Variants in DNAJB11 observed in about 807,000 individuals in gnomAD.
DNAJB11 encodes DnaJ heat shock protein family (Hsp40) member B11.
DNAJB11 carries 30 observed loss-of-function variants against 47.2 expected under a neutral mutation model. The ratio of observed to expected loss-of-function variants is 0.64; its 90% CI spans 0.48 to 0.86. The LOEUF (loss-of-function observed/expected upper bound fraction) is 0.86, where lower values mean the gene tolerates loss of function less well. DNAJB11 is among the 40% of genes least tolerant of loss of function. DNAJB11 has a pLI of 0.00. For synonymous variants in DNAJB11, 151 were observed against 159.9 expected (o/e 0.94, Z 0.42); for missense variants, 357 against 440.2 (o/e 0.81, Z 1.69).
At position 186,582,663 on chromosome 3, in the gene DNAJB11, T is replaced by G; in HGVS notation, c.683-53T>G. On this transcript the variant is annotated intron_variant, in intron 6 of 9. Coordinates refer to ENST00000265028, the MANE Select transcript of DNAJB11 (RefSeq NM_016306.6). ...AAAATGTATCAGTTGCCAAATAGAT[T>G]TGTGGTATTCAACTTGTATGATTTA... 2.1e-6 allele frequency: 3 copies of G among 1,427,788 alleles called. No individual in the cohort carries two copies. The South Asian group carries it at 3.7e-5, about 17-fold the overall frequency. The allele number at this position is 1,427,788 out of a possible 1,614,324, so 88.4% of individuals were successfully genotyped here.
rs35980059 is a variant in DNAJB11 at position 186,575,366 on chromosome 3, C to T, written c.226-474C>T. On this transcript the variant is annotated intron_variant, in intron 2 of 9. Transcript: ENST00000265028. ...ATCTCCTAATACATGCGCGCGCGCG[C>T]GCGTGTGTGTGTGTGTGTGTGTGTG... Among the ~76,000 whole-genome samples, 518 of 101,154 alleles carry T rather than the reference C, an allele frequency of 5.1e-3. 2 individuals are homozygous for T. The highest frequency in any genetic ancestry group is 0.015 in the East Asian group (39 of 2,658). 66.4% of individuals were successfully genotyped at this position (101,154 alleles called of 152,430 possible). A position where few individuals can be genotyped will look rare whatever the true frequency, so the allele number is the denominator to read the frequency against.
At chr3:186,576,011 T>C in intron 3 of DNAJB11, 74 bp downstream of exon 3, 1 of 1,099,038 alleles carries the variant, frequency 9.1e-7, no homozygotes, top group Non-Finnish European at 1.4e-6. Context: ...ATTATTCTCA[T>C]TCCCTAGTTC....
At chr3:186,585,212 T>G (rs1006610310) in intron 9 of DNAJB11, 132 bp from the exon 10 acceptor site, 2 of 611,656 alleles carry the variant, frequency 3.3e-6, no homozygotes, top group Non-Finnish European at 5.7e-6. Flanking sequence ...ACGTTGGAGA[T>G]TGGTAGTTAT....
intron 1 of DNAJB11, 87 bp downstream of exon 1, chr3:186,571,052 G>A: frequency 8.3e-7 from 1 of 1,206,004 alleles, no homozygotes; most frequent in South Asian, 1.4e-5. Context: ...GGCATTGCCA[G>A]ACTGACGGAG....
chr3:186,577,619 A>G (rs760713825), intron 3 of DNAJB11, 49 bp from the exon 4 acceptor site: 164 of 1,446,418 alleles, frequency 1.1e-4, no homozygotes, highest in Middle Eastern at 1.8e-4. Flanking sequence ...TGTGAAACAT[A>G]GAGTCTTGAT....
chr3:186,577,439 A>G (rs1450656353), intron 3 of DNAJB11, among the ~76,000 whole-genome samples: 1 of 152,194 alleles, frequency 6.6e-6, no homozygotes, highest in Non-Finnish European at 1.5e-5. Context: ...ATTTTGTTAA[A>G]AAGTGGATTT....
At chr3:186,578,153 G>A (rs1020009163) in intron 4 of DNAJB11, 2 of 153,514 alleles carry the variant, frequency 1.3e-5, no homozygotes, top group African/African-American at 4.8e-5. Flanking sequence ...ATAATATATT[G>A]TTTATTATAT....
At position 186,585,654 on chromosome 3, in the gene DNAJB11, G is replaced by A. The variant is rs114769793; in HGVS notation, c.*246G>A. 423 of 268,820 alleles carry A rather than the reference G, an allele frequency of 1.6e-3. 1 individual carries two copies. Among genetic ancestry groups the A allele is most frequent in the Non-Finnish European group, 2.6e-3 (367 of 140,656 alleles). The allele number at this position is 268,820 out of a possible 1,614,324, so 16.7% of individuals were successfully genotyped here. A position where few individuals can be genotyped will look rare whatever the true frequency, so the allele number is the denominator to read the frequency against. ...TGGGGATTTAATGTCTGGTGCTGCC[G>A]CCTGAGTTTCAAGAATTAAAGCTGC... On this transcript the variant is annotated 3_prime_UTR_variant, in exon 10 of 10. Coordinates refer to ENST00000265028, the MANE Select transcript of DNAJB11 (RefSeq NM_016306.6).
At chr3:186,584,353 C>A in intron 8 of DNAJB11, 77 bp from the exon 9 acceptor site, 1 of 1,387,786 alleles carries the variant, frequency 7.2e-7, no homozygotes, top group Non-Finnish European at 9.6e-7. Context: ...GCTTTGTGTA[C>A]CAGTGCTCAC....
chr3:186,572,020 G>T, intron 1 of DNAJB11, 75 bp from the exon 2 acceptor site: 1 of 1,339,022 alleles, frequency 7.5e-7, no homozygotes, highest in Non-Finnish European at 1.0e-6. Context: ...AAATGTAGAG[G>T]AAAAATAAAT....
intron 4 of DNAJB11, chr3:186,578,687 G>A (rs547715744): frequency 4.2e-4 from 64 of 152,224 alleles, no homozygotes; most frequent in African/African-American, 1.5e-3. Context: ...CTTGTGAAAT[G>A]CCTGTTCTTT....
At chr3:186,573,852 A>T (rs73887959) in intron 2 of DNAJB11, among the ~76,000 whole-genome samples, 10,577 of 152,278 alleles carry the variant, frequency 0.069, 439 homozygotes, top group African/African-American at 0.12. Context: ...TAATACTCAA[A>T]AACATTTTCT....
chr3:186,582,602 G>A lies in DNAJB11; in HGVS notation c.683-114G>A, dbSNP rs951597886. On this transcript the variant is annotated intron_variant, in intron 6 of 9. Transcript: ENST00000265028. ...ACCAGGCAGAGACACTGCCGTCACA[G>A]ATTTGACAGGTCAATGCCCAAAGTA... 3.7e-6 allele frequency: 3 copies of A among 816,078 alleles called. No individual in the cohort carries two copies. The Admixed American group carries it at 6.5e-5, about 18-fold the overall frequency. The allele number at this position is 816,078 out of a possible 1,614,324, so 50.6% of individuals were successfully genotyped here.
intron 4 of DNAJB11, chr3:186,581,150 G>T: frequency 4.4e-6 from 2 of 452,542 alleles, no homozygotes; most frequent in Admixed American, 4.1e-5. Context: ...TACTTCTCCA[G>T]CTTTAGAATT....
chr3:186,572,713 A>G (rs1715126307), intron 2 of DNAJB11, among the ~76,000 whole-genome samples: 5 of 152,232 alleles, frequency 3.3e-5, no homozygotes, highest in Admixed American at 3.3e-4. Flanking sequence ...GGGCAGGTAT[A>G]AGTTAAAACA....
Position 186,572,034 on chromosome 3 carries a change from T to C in DNAJB11, c.69-61T>C, listed in dbSNP as rs2108473115. The C allele has an allele frequency of 2.8e-6, 4 of 1,418,220 alleles. 1 individual carries two copies. The South Asian group carries it at 6.0e-5, about 21-fold the overall frequency. The allele number at this position is 1,418,220 out of a possible 1,614,324, so 87.9% of individuals were successfully genotyped here. On this transcript the variant is annotated intron_variant, in intron 1 of 9. Transcript: ENST00000265028. ...TAAATGTAGAGGAAAAATAAATCTT[T>C]TACTTTGAAAAATGTAACATGTAAC...
rs1269703420 is a variant in DNAJB11, at chr3:186,583,859, T to C, written c.741-6T>C. The C allele has an allele frequency of 1.2e-6, 2 of 1,606,432 alleles. No individual in the cohort carries two copies. The highest frequency in any genetic ancestry group is 1.7e-6 in the Non-Finnish European group (2 of 1,173,538). ...ATTAATGATTTTTACCTTATTCTGT[T>C]TTTAGGCACCCAATATTTGAAAGGA... On this transcript the variant is annotated splice_region_variant and splice_polypyrimidine_tract_variant and intron_variant, in intron 7 of 9. Coordinates refer to ENST00000265028, the MANE Select transcript of DNAJB11 (RefSeq NM_016306.6).
rs146095171 is a variant in DNAJB11 at position 186,581,465 on chromosome 3, G to T, written c.551G>T (p.Arg184Leu). 1 of 1,613,606 alleles carries T rather than the reference G, an allele frequency of 6.2e-7. No homozygotes were observed. The highest frequency in any genetic ancestry group is 8.5e-7 in the Non-Finnish European group (1 of 1,179,928). Residue 184 changes from arginine to leucine, a missense_variant, in exon 5 of 10, where the codon CGC (arginine) becomes CTC (leucine). Arg to Leu is a moderately radical substitution (Grantham distance 102). Transcript: ENST00000265028. ...EMRTTQLGPG[R>L]FQMTQEVVCD... ...CGGACCACCCAGCTGGGCCCTGGGC[G>T]CTTCCAAATGACCCAGGAGGTGGTC...
At chr3:186,577,196 T>C (rs943720402) in intron 3 of DNAJB11, among the ~76,000 whole-genome samples, 10 of 152,200 alleles carry the variant, frequency 6.6e-5, no homozygotes, top group African/African-American at 2.4e-4. Context: ...AGTTAGCTTC[T>C]AAAAAGCATG....
Sources: gnomAD v4.1 joint callset for allele counts (sites outside exome capture counted in the v4.1 genomes callset) on GRCh38, gnomAD v4.1.1 for gene constraint, MANE v1.5 for transcripts, NCBI Gene and HGNC (gene_info 2026-07-23, HGNC 2026-07-21) for gene names.